Variants in CEP350 observed in about 807,000 individuals in gnomAD.
CEP350 encodes the protein centrosomal protein 350.
A neutral mutation model predicts 331.8 loss-of-function variants in CEP350; 126 were observed. That is an observed-to-expected ratio of 0.38 (90% CI 0.33 to 0.44). CEP350 has a LOEUF of 0.44. Among genes scored for constraint, CEP350 ranks in the 20% least tolerant of loss-of-function variants. The pLI, the probability that CEP350 is intolerant of heterozygous loss-of-function variation, is 1.00. For missense variants in CEP350, 3,406 were observed against 3,634.6 expected, an observed-to-expected ratio of 0.94 and a Z score of 1.62; for synonymous variants, 1,200 against 1,259.5, an observed-to-expected ratio of 0.95 and a Z score of 1.00.
chr1:179,979,283 T>C (rs954649508), intron 1 of CEP350, among the ~76,000 whole-genome samples: 2 of 152,124 alleles, frequency 1.3e-5, no homozygotes, highest in South Asian at 4.1e-4. Context: ...TGATATCTTA[T>C]TGTGGTATTG....
At chr1:180,065,490 C>G (rs752565565) in intron 27 of CEP350, among the ~76,000 whole-genome samples, 1 of 151,780 alleles carries the variant, frequency 6.6e-6, no homozygotes, top group Admixed American at 6.6e-5. Context: ...TTTAAAAAAC[C>G]GAAAAACAAG....
intron 32 of CEP350, among the ~76,000 whole-genome samples, 169 bp from the exon 33 acceptor site, chr1:180,090,545 C>CAAAAAAAAAAAAAAA (rs36128628): frequency 1.7e-4 from 13 of 77,362 alleles, no homozygotes; most frequent in East Asian, 9.1e-4. Context: ...GACTCCGTCT[C>CAAAAAAAAAAAAAAA]AAAAAAAAAA....
At position 180,092,812 on chromosome 1, in the gene CEP350, A is replaced by G. The variant is rs550507837; in HGVS notation, c.6707A>G (p.Asn2236Ser). The G allele has an allele frequency of 2.4e-5, 37 of 1,571,486 alleles. No homozygotes were observed. In the South Asian group the frequency reaches 4.1e-4, roughly 17 times the overall value. Residue 2236 changes from asparagine to serine, a missense_variant, in exon 34 of 38, where the codon AAT (asparagine) becomes AGT (serine). Physicochemically the swap from Asn to Ser is conservative, Grantham distance 46. Coordinates refer to ENST00000367607, the MANE Select transcript of CEP350 (RefSeq NM_014810.5). ...VPALHLLKEL[N>S]ATSRILDMSD... Reference sequence around the variant, plus strand: ...GCATTACATCTTCTCAAAGAATTAAATGCCACTAGTAGAATTCTTGATATG... The same window carrying G: ...GCATTACATCTTCTCAAAGAATTAAGTGCCACTAGTAGAATTCTTGATATG...
intron 34 of CEP350, among the ~76,000 whole-genome samples, chr1:180,094,882 A>C (rs1237545849): frequency 6.6e-6 from 1 of 152,204 alleles, no homozygotes; most frequent in African/African-American, 2.4e-5. Flanking sequence ...TGGGGAACTA[A>C]AACATCCATT....
intron 32 of CEP350, 112 bp downstream of exon 32, chr1:180,087,829 T>A (rs531558984): frequency 8.9e-7 from 1 of 1,126,428 alleles, no homozygotes; most frequent in African/African-American, 1.6e-5. Context: ...AGTAAAAATA[T>A]TATTTTCTAT....
intron 37 of CEP350, among the ~76,000 whole-genome samples, chr1:180,109,354 G>A (rs1461421558): frequency 6.6e-6 from 1 of 151,934 alleles, no homozygotes; most frequent in Non-Finnish European, 1.5e-5. Flanking sequence ...TCCTGACCTC[G>A]TGATCCACCC....
chr1:180,043,006 T>C (rs777357745), intron 19 of CEP350, 50 bp from the exon 20 acceptor site: 1 of 1,573,124 alleles, frequency 6.4e-7, no homozygotes. Context: ...CTCAGTTCTC[T>C]GACCTTACGT....
At chr1:179,993,170 A>T (rs1653216877) in intron 5 of CEP350, among the ~76,000 whole-genome samples, 1 of 152,074 alleles carries the variant, frequency 6.6e-6, no homozygotes, top group Non-Finnish European at 1.5e-5. Context: ...ACTAGTATCG[A>T]AGCACTAGAA....
At chr1:180,068,009 A>G (rs554638838) in intron 27 of CEP350, among the ~76,000 whole-genome samples, 2 of 152,348 alleles carry the variant, frequency 1.3e-5, no homozygotes, top group Admixed American at 1.3e-4. Flanking sequence ...ATGACTAGGA[A>G]CTTAGTTGTT....
intron 25 of CEP350, among the ~76,000 whole-genome samples, chr1:180,058,205 A>G (rs971398646): frequency 2.6e-5 from 4 of 152,252 alleles, no homozygotes; most frequent in Non-Finnish European, 4.4e-5. Flanking sequence ...GAAATAAAAC[A>G]TATTCTTGCA....
rs562531736 is a variant in CEP350 at position 179,967,825 on chromosome 1, A to T, written c.-14+12683A>T. Among the ~76,000 whole-genome samples, 39 of 152,360 alleles carry T rather than the reference A, an allele frequency of 2.6e-4. 1 individual carries two copies. The highest frequency in any genetic ancestry group is 2.5e-3 in the South Asian group (12 of 4,830). Reference sequence around the variant, plus strand: ...AAATATAAAATATGTATGCACACGTATACTTATTTTTTTACGTGTTACCGT... The same window carrying T: ...AAATATAAAATATGTATGCACACGTTTACTTATTTTTTTACGTGTTACCGT... On this transcript the variant is annotated intron_variant, in intron 1 of 37. Coordinates refer to ENST00000367607, the MANE Select transcript of CEP350 (RefSeq NM_014810.5).
At position 180,075,083 on chromosome 1, in the gene CEP350, G is replaced by C. The variant is rs779895416; in HGVS notation, c.5629G>C (p.Glu1877Gln). ...GCGACAACATGCAGAGGAGCTCCTA[G>C]AGTGGAAGCGACGTTTAGATGCAGA... Reference protein sequence around the residue: ...QRRQHAEELLEWKRRLDAEEA... With the variant: ...QRRQHAEELLQWKRRLDAEEA... The change falls in exon 28 of 38, where the codon GAG becomes CAG. Residue 1877 changes from glutamate to glutamine, a missense_variant. Physicochemically the swap from Glu to Gln is conservative, Grantham distance 29. Coordinates refer to ENST00000367607, the MANE Select transcript of CEP350 (RefSeq NM_014810.5). 64 of 1,613,260 alleles carry C rather than the reference G, an allele frequency of 4.0e-5. No homozygotes were observed. Among genetic ancestry groups the C allele is most frequent in the Non-Finnish European group, 5.2e-5 (61 of 1,179,638 alleles).
At chr1:180,076,324 C>G (rs780795555) in intron 28 of CEP350, among the ~76,000 whole-genome samples, 1 of 152,164 alleles carries the variant, frequency 6.6e-6, no homozygotes, top group Non-Finnish European at 1.5e-5. Context: ...GCCAATCTTA[C>G]CTATCCTGAA....
intron 8 of CEP350, among the ~76,000 whole-genome samples, chr1:180,008,888 C>T (rs1654431537): frequency 6.6e-6 from 1 of 152,130 alleles, no homozygotes; most frequent in Non-Finnish European, 1.5e-5. Context: ...AGTAGAATGG[C>T]AGATAACACA....
chr1:179,960,892 A>G (rs1248580649), intron 1 of CEP350, among the ~76,000 whole-genome samples: 1 of 152,112 alleles, frequency 6.6e-6, no homozygotes, highest in Non-Finnish European at 1.5e-5. Context: ...TGGAACTGTT[A>G]GGTATTTTTT....
At chr1:180,000,226 A>G (rs1571845065) in intron 6 of CEP350, among the ~76,000 whole-genome samples, 1 of 152,324 alleles carries the variant, frequency 6.6e-6, no homozygotes, top group African/African-American at 2.4e-5. Flanking sequence ...ATAGGGATAA[A>G]TGTTTCCTAA....
intron 34 of CEP350, 134 bp downstream of exon 34, chr1:180,094,750 A>G (rs920611088): frequency 1.6e-5 from 16 of 969,718 alleles, no homozygotes; most frequent in Admixed American, 5.8e-5. Context: ...GTTGTTTATT[A>G]GAGAAGGATC....
chr1:180,034,375 C>T (rs938931799), intron 16 of CEP350, among the ~76,000 whole-genome samples: 4 of 152,124 alleles, frequency 2.6e-5, no homozygotes, highest in East Asian at 3.9e-4. Flanking sequence ...CACATGTACG[C>T]ATGCACACAC....
chr1:179,954,958 C>T lies in CEP350; in HGVS notation c.-198C>T. On this transcript the variant is annotated 5_prime_UTR_variant, in exon 1 of 38. Coordinates refer to ENST00000367607, the MANE Select transcript of CEP350 (RefSeq NM_014810.5). ...GAGGGAGGGGAGGCAGCCTTTCCGCCTTGTCTTCCTTCCCAGCGGACCGGC... is the reference window on the plus strand; with the variant it reads ...GAGGGAGGGGAGGCAGCCTTTCCGCTTTGTCTTCCTTCCCAGCGGACCGGC... The T allele has an allele frequency of 8.9e-7, 1 of 1,128,880 alleles. No individual in the cohort carries two copies. The highest frequency in any genetic ancestry group is 1.2e-6 in the Non-Finnish European group (1 of 864,604). 69.9% of individuals were successfully genotyped at this position (1,128,880 alleles called of 1,614,324 possible).
Sources: gnomAD v4.1 joint callset for allele counts (sites outside exome capture counted in the v4.1 genomes callset) on GRCh38, gnomAD v4.1.1 for gene constraint, MANE v1.5 for transcripts, NCBI Gene and HGNC (gene_info 2026-07-23, HGNC 2026-07-21) for gene names.